NREP: variants seen among roughly 807,000 people sequenced by gnomAD.
NREP encodes neuronal regeneration-related protein.
NREP carries 5 observed loss-of-function variants against 8.6 expected under a neutral mutation model. The ratio of observed to expected loss-of-function variants is 0.58; its 90% CI spans 0.30 to 1.22. The LOEUF (loss-of-function observed/expected upper bound fraction) is 1.22, where lower values mean the gene tolerates loss of function less well. NREP is among the 50% of genes most tolerant of loss of function. The pLI, the probability that NREP is intolerant of heterozygous loss-of-function variation, is 0.07. For missense variants in NREP, 86 were observed against 82.5 expected (o/e 1.04, Z -0.17); for synonymous variants, 27 against 28.0 (o/e 0.96, Z 0.11).
chr5:111,898,883 T>C (rs1490525035), intron 2 of NREP, among the ~76,000 whole-genome samples: 1 of 151,924 alleles, frequency 6.6e-6, no homozygotes, highest in East Asian at 1.9e-4. Context: ...CTCATCAGAC[T>C]AACAGTGGAT....
chr5:111,840,316 TA>T (rs1240766257), intron 2 of NREP, among the ~76,000 whole-genome samples: 7 of 152,084 alleles, frequency 4.6e-5, no homozygotes, highest in Non-Finnish European at 1.0e-4. Flanking sequence ...TTTGCTTTCT[TA>T]ATTAAAAGAA....
At chr5:111,804,368 T>C (rs1384245672) in intron 2 of NREP, among the ~76,000 whole-genome samples, 1 of 152,112 alleles carries the variant, frequency 6.6e-6, no homozygotes, top group Non-Finnish European at 1.5e-5. Context: ...AAGAATAAAC[T>C]GCAAATACAT....
intron 2 of NREP, among the ~76,000 whole-genome samples, chr5:111,851,841 A>G (rs1296535040): frequency 9.2e-5 from 14 of 152,176 alleles, no homozygotes; most frequent in Admixed American, 9.2e-4. Context: ...CCATTCCATA[A>G]TGAGCATGTA....
intron 2 of NREP, among the ~76,000 whole-genome samples, chr5:111,771,115 ATACT>A (rs765978819): frequency 5.3e-5 from 8 of 152,182 alleles, no homozygotes; most frequent in Non-Finnish European, 8.8e-5. Flanking sequence ...AATTGCATTG[ATACT>A]TTATTTAGAA....
At chr5:111,893,691 T>C (rs548745552) in intron 2 of NREP, among the ~76,000 whole-genome samples, 1 of 150,938 alleles carries the variant, frequency 6.6e-6, no homozygotes, top group South Asian at 2.1e-4. Flanking sequence ...ATTTAACCCT[T>C]AAGATAGATG....
rs1465824650 is a variant in NREP, at chr5:111,730,890, A to C, written c.*31T>G. 1 of 1,611,582 alleles carries C rather than the reference A, an allele frequency of 6.2e-7. No individual in the cohort carries two copies. The highest frequency in any genetic ancestry group is 8.5e-7 in the Non-Finnish European group (1 of 1,178,144). On this transcript the variant is annotated 3_prime_UTR_variant, in exon 4 of 4. Transcript: ENST00000257435. Reference sequence around the variant, plus strand: ...ACCATGACCTCATCAATACCCATACACCATATGTAATACAAATGGAGGTGT... The same window carrying C: ...ACCATGACCTCATCAATACCCATACCCCATATGTAATACAAATGGAGGTGT...
chr5:111,939,006 CTTACT>C (rs1419937707), intron 2 of NREP, among the ~76,000 whole-genome samples: 1 of 152,068 alleles, frequency 6.6e-6, no homozygotes, highest in East Asian at 1.9e-4. Flanking sequence ...AGACTCTGAT[CTTACT>C]TAGTATCTTA....
At chr5:111,976,624 G>A (rs1321867017) in intron 1 of NREP, 22 of 1,110,698 alleles carry the variant, frequency 2.0e-5, no homozygotes, top group South Asian at 1.8e-4. Flanking sequence ...AGAGGTCAGT[G>A]AGGCAGAGAC....
chr5:111,935,563 T>C (rs1755660281), intron 2 of NREP, among the ~76,000 whole-genome samples: 1 of 152,054 alleles, frequency 6.6e-6, no homozygotes, highest in African/African-American at 2.4e-5. Flanking sequence ...AAGGCAGAGA[T>C]AAAGGCAGCT....
intron 2 of NREP, among the ~76,000 whole-genome samples, chr5:111,927,044 T>C (rs1755409028): frequency 6.6e-6 from 1 of 152,010 alleles, no homozygotes; most frequent in Admixed American, 6.5e-5. Context: ...GGAGAGACTA[T>C]GTAATAGTTG....
chr5:111,933,392 A>T (rs910107982), intron 2 of NREP, among the ~76,000 whole-genome samples: 3 of 152,118 alleles, frequency 2.0e-5, no homozygotes, highest in Non-Finnish European at 2.9e-5. Flanking sequence ...CCAAAAGAAA[A>T]TAAATGGAAT....
chr5:111,866,759 T>C (rs996312545), intron 2 of NREP, among the ~76,000 whole-genome samples: 1 of 151,714 alleles, frequency 6.6e-6, no homozygotes, highest in Non-Finnish European at 1.5e-5. Context: ...TGTCCAACAA[T>C]GATAGACTGG....
At position 111,876,718 on chromosome 5, in the gene NREP, C is replaced by T. The variant is rs115037810; in HGVS notation, c.135+98556G>A. On this transcript the variant is annotated intron_variant, in intron 2 of 3. Transcript: ENST00000395634. ...CCTGTTTGACTATGCATATCCATAA[C>T]ATTAATCAAATTTTATTCATAGTTT... 2.8e-3 allele frequency among the ~76,000 whole-genome samples: 433 copies of T among 152,310 alleles called. 4 individuals carry two copies. The highest frequency in any genetic ancestry group is 0.01 in the Middle Eastern group (3 of 294).
At chr5:111,958,999 A>C (rs1432325713) in intron 2 of NREP, among the ~76,000 whole-genome samples, 1 of 151,934 alleles carries the variant, frequency 6.6e-6, no homozygotes, top group Non-Finnish European at 1.5e-5. Flanking sequence ...AATGCAGTAC[A>C]TTTGGTTTTC....
upstream of NREP, chr5:111,757,773 G>A: frequency 1.0e-6 from 1 of 977,812 alleles, no homozygotes; most frequent in Non-Finnish European, 1.2e-6. Flanking sequence ...CTTCCTCCCC[G>A]CCCCCGGCCA....
chr5:111,822,687 C>T (rs1752537409), intron 2 of NREP, among the ~76,000 whole-genome samples: 1 of 152,084 alleles, frequency 6.6e-6, no homozygotes, highest in Admixed American at 6.6e-5. Flanking sequence ...ATAATGTCCA[C>T]CATGTAAATT....
intron 2 of NREP, among the ~76,000 whole-genome samples, chr5:111,893,423 A>G (rs978040600): frequency 6.6e-6 from 1 of 151,944 alleles, no homozygotes; most frequent in Admixed American, 6.6e-5. Flanking sequence ...TCCCTTCTGT[A>G]GGTTCTCACT....
intron 2 of NREP, among the ~76,000 whole-genome samples, chr5:111,872,777 G>T (rs1036311180): frequency 2.6e-5 from 4 of 152,210 alleles, no homozygotes; most frequent in African/African-American, 9.7e-5. Flanking sequence ...AGAATTTGAA[G>T]TGAGACTTGC....
chr5:111,796,130 T>G (rs1264016285), intron 2 of NREP, among the ~76,000 whole-genome samples: 2 of 152,222 alleles, frequency 1.3e-5, no homozygotes, highest in Non-Finnish European at 1.5e-5. Flanking sequence ...GAGCCTTTTT[T>G]AGCTTCTAAA....
Sources: allele counts gnomAD v4.1 joint callset (sites outside exome capture counted in the v4.1 genomes callset), GRCh38; gene constraint gnomAD v4.1.1; transcripts MANE v1.5; gene names NCBI Gene and HGNC (gene_info 2026-07-23, HGNC 2026-07-21).